The following NRG2 variants were observed in gnomAD, a reference collection of about 807,000 sequenced individuals.
NRG2 encodes the protein neuregulin 2.
A neutral mutation model predicts 73.9 loss-of-function variants in NRG2; 27 were observed. The observed-to-expected ratio is 0.37, with a 90% CI of 0.27 to 0.50. The LOEUF is 0.50. Among genes scored for constraint, NRG2 ranks in the 20% least tolerant of loss-of-function variants. The pLI, the probability that NRG2 is intolerant of heterozygous loss-of-function variation, is 0.96. For missense variants in NRG2, 1,126 were observed against 1,210.1 expected (o/e 0.93, Z 1.03); for synonymous variants, 532 against 541.0 (o/e 0.98, Z 0.23).
intron 1 of NRG2, among the ~76,000 whole-genome samples, chr5:140,030,148 C>T (rs1204510169): frequency 9.8e-5 from 15 of 152,300 alleles, no homozygotes; most frequent in Admixed American, 9.2e-4. Flanking sequence ...AATGACAACA[C>T]TCACTCCTAC....
Position 139,941,009 on chromosome 5 carries a change from G to T in NRG2, c.701-53498C>A, listed in dbSNP as rs373686465. On this transcript the variant is annotated intron_variant, in intron 1 of 9. Transcript: ENST00000361474. ...GGAATTAGCCAACAGAAGTAGGGAA[G>T]GAAAAAAAGATCATTCTAGACAGAG... is the stretch of plus-strand genomic sequence containing the variant. Among the ~76,000 whole-genome samples, 3 of 151,748 alleles carry T rather than the reference G, an allele frequency of 2.0e-5. No individual in the cohort carries two copies. In the East Asian group the frequency reaches 5.8e-4, roughly 29 times the overall value.
intron 1 of NRG2, among the ~76,000 whole-genome samples, chr5:139,938,313 A>C (rs1335814280): frequency 1.3e-5 from 2 of 152,144 alleles, no homozygotes; most frequent in Non-Finnish European, 2.9e-5. Context: ...AGCCAAAAGC[A>C]ATTTTGTAAA....
At position 139,887,531 on chromosome 5, in the gene NRG2, T is replaced by G. The variant is rs1376148035; in HGVS notation, c.701-20A>C. The G allele has an allele frequency of 1.2e-6, 2 of 1,612,468 alleles. No individual in the cohort carries two copies. The highest frequency in any genetic ancestry group is 1.7e-6 in the Non-Finnish European group (2 of 1,179,142). On this transcript the variant is annotated intron_variant, in intron 1 of 9. Coordinates refer to ENST00000361474, the MANE Select transcript of NRG2 (RefSeq NM_004883.3). The surrounding 1 kb of genome is among the most constrained non-coding windows in gnomAD (Gnocchi z 4.5). Reference sequence around the variant, plus strand: ...GGGTGGCTGTGGGTTACAAGGCAGGTAGGTGAGCACGGTGGTGGTAGGGGC... The same window carrying G: ...GGGTGGCTGTGGGTTACAAGGCAGGGAGGTGAGCACGGTGGTGGTAGGGGC...
chr5:139,964,357 TAC>T (rs71574473), intron 1 of NRG2, among the ~76,000 whole-genome samples: 1,705 of 142,162 alleles, frequency 0.012, 21 homozygotes, highest in African/African-American at 0.03. Flanking sequence ...GAAATACAGA[TAC>T]ACACACACAC....
In NRG2 at chr5:139,894,328, G is replaced by A. The variant is rs1764418771; in HGVS notation, c.701-6817C>T. On this transcript the variant is annotated intron_variant, in intron 1 of 9. Coordinates refer to ENST00000361474, the MANE Select transcript of NRG2 (RefSeq NM_004883.3). This position sits in a 1 kb window ranked among gnomAD's most constrained non-coding sequence, Gnocchi z 5.0. ...GGAGACAATGTGGCCAGCCTGCCTG[G>A]CATCAAAGTTTCCCACTGTCCTGCT... 6.6e-6 allele frequency among the ~76,000 whole-genome samples: 1 copy of A among 152,044 alleles called. No individual in the cohort carries two copies. The highest frequency in any genetic ancestry group is 2.4e-5 in the African/African-American group (1 of 41,402).
At chr5:139,991,230 C>T (rs1254451894) in intron 1 of NRG2, among the ~76,000 whole-genome samples, 7 of 151,878 alleles carry the variant, frequency 4.6e-5, no homozygotes, top group South Asian at 2.1e-4. Flanking sequence ...GAGCCAAGAT[C>T]GCACCACTGC....
At position 139,989,336 on chromosome 5, in the gene NRG2, C is replaced by A. The variant is rs547889485; in HGVS notation, c.700+53034G>T. ...CCAGCTTCTACTCCTTTGATCCATTCTTCACATAGCAGTCAGAGCTGTCTA... is the reference window on the plus strand; with the variant it reads ...CCAGCTTCTACTCCTTTGATCCATTATTCACATAGCAGTCAGAGCTGTCTA... On this transcript the variant is annotated intron_variant, in intron 1 of 9. Coordinates refer to ENST00000361474, the MANE Select transcript of NRG2 (RefSeq NM_004883.3). 2.0e-4 allele frequency among the ~76,000 whole-genome samples: 30 copies of A among 152,086 alleles called. No homozygotes were observed. The Middle Eastern group carries it at 0.01, about 52-fold the overall frequency.
In NRG2 at chr5:139,847,652, T is replaced by C. The variant is rs1166808310; in HGVS notation, c.*265A>G. The C allele has an allele frequency of 3.3e-6, 1 of 307,002 alleles. No individual in the cohort carries two copies. The highest frequency in any genetic ancestry group is 5.9e-6 in the Non-Finnish European group (1 of 170,620). 19.0% of individuals were successfully genotyped at this position (307,002 alleles called of 1,614,324 possible). A position where few individuals can be genotyped will look rare whatever the true frequency, so the allele number is the denominator to read the frequency against. On this transcript the variant is annotated 3_prime_UTR_variant, in exon 10 of 10. Transcript: ENST00000361474. ...AAAAAATTGGCCCATCTCTCTTTTT[T>C]TTTTGTTGTTTCTTTTTTTTTTCCG... is the stretch of plus-strand genomic sequence containing the variant.
At chr5:139,938,904 GAAAAGAAA>G (rs1753098759) in intron 1 of NRG2, among the ~76,000 whole-genome samples, 1 of 49,038 alleles carries the variant, frequency 2.0e-5, no homozygotes, top group Admixed American at 2.1e-4. Flanking sequence ...AAGAAAGAAA[GAAAAGAAA>G]GAAAGAAAGA....
chr5:140,029,333 TC>T (rs1454950751), intron 1 of NRG2, among the ~76,000 whole-genome samples: 1 of 152,176 alleles, frequency 6.6e-6, no homozygotes, highest in Non-Finnish European at 1.5e-5. Context: ...CCATTCTCTT[TC>T]CACTAATGAC....
At chr5:140,007,547 T>G (rs1403921352) in intron 1 of NRG2, among the ~76,000 whole-genome samples, 1 of 152,066 alleles carries the variant, frequency 6.6e-6, no homozygotes, top group East Asian at 1.9e-4. Context: ...CCAGCTGGAC[T>G]CAGGAGCCGG....
At chr5:140,037,681 G>A (rs905254502) in intron 1 of NRG2, among the ~76,000 whole-genome samples, 5 of 152,070 alleles carry the variant, frequency 3.3e-5, no homozygotes, top group South Asian at 4.2e-4. Flanking sequence ...GGGCCAAGGC[G>A]GGTGGATCAC....
intron 1 of NRG2, among the ~76,000 whole-genome samples, chr5:140,030,516 T>G (rs1761051437): frequency 6.6e-6 from 1 of 152,082 alleles, no homozygotes; most frequent in South Asian, 2.1e-4. Flanking sequence ...CTGGCAGAGG[T>G]GAAAACAGCA....
chr5:139,848,407 C>T lies in NRG2; in HGVS notation c.2063G>A (p.Arg688His). ...GCTGCCGCCGAGCGCGCAGGTCCCG[C>T]GCCGCGGTCCGGGCCCCGCCGCGGG... ...YYPAAGPGPR[R>H]GTCALGGSLG... Residue 688 changes from arginine (R) to histidine (H), a missense_variant, in exon 10 of 10, where the codon CGC (arginine) becomes CAC (histidine). By Grantham distance (29) the Arg-to-His change is conservative. This residue lies in a region of NRG2 where 402 missense variants were observed against 357.8 expected (regional missense o/e 1.12). Transcript: ENST00000361474. The T allele has an allele frequency of 7.9e-7, 1 of 1,268,012 alleles. No homozygotes were observed. The highest frequency in any genetic ancestry group is 3.0e-5 in the South Asian group (1 of 33,424). 78.5% of individuals were successfully genotyped at this position (1,268,012 alleles called of 1,614,324 possible). A position where few individuals can be genotyped will look rare whatever the true frequency, so the allele number is the denominator to read the frequency against.
At chr5:139,997,338 C>T (rs1758099786) in intron 1 of NRG2, among the ~76,000 whole-genome samples, 2 of 152,116 alleles carry the variant, frequency 1.3e-5, no homozygotes, top group South Asian at 4.1e-4. Flanking sequence ...GACCCAGACT[C>T]ATCTCTTTGG....
At chr5:139,918,476 G>C (rs1751430566) in intron 1 of NRG2, among the ~76,000 whole-genome samples, 1 of 152,168 alleles carries the variant, frequency 6.6e-6, no homozygotes, top group African/African-American at 2.4e-5. Flanking sequence ...CATGCTTCCA[G>C]ATAGCTTGTC....
intron 1 of NRG2, among the ~76,000 whole-genome samples, chr5:139,996,125 C>T (rs1757994635): frequency 1.3e-5 from 2 of 152,158 alleles, no homozygotes; most frequent in African/African-American, 4.8e-5. Flanking sequence ...AGTTAATGCA[C>T]ATGTAGCAAA....
intron 5 of NRG2, chr5:139,861,691 C>T: frequency 2.0e-6 from 1 of 510,898 alleles, no homozygotes; most frequent in South Asian, 1.4e-5. Flanking sequence ...TACAGTTTGT[C>T]CACTCCTCTC....
chr5:139,911,934 G>C (rs1580718426), intron 1 of NRG2, among the ~76,000 whole-genome samples: 1 of 152,170 alleles, frequency 6.6e-6, no homozygotes, highest in Non-Finnish European at 1.5e-5. Flanking sequence ...TGGGGACCAT[G>C]AGCAAGGCCT....
Sources: gnomAD v4.1 joint callset for allele counts (sites outside exome capture counted in the v4.1 genomes callset) on GRCh38, gnomAD v4.1.1 for gene constraint, gnomAD v4.1.1 regional missense constraint, Gnocchi (gnomAD v3.1) non-coding constraint, MANE v1.5 for transcripts, NCBI Gene and HGNC (gene_info 2026-07-23, HGNC 2026-07-21) for gene names.